DNAH1: variants seen among roughly 807,000 people sequenced by gnomAD.
DNAH1 encodes axonemal beta dynein heavy chain 1.
Under a neutral mutation model 484.3 loss-of-function variants are expected in DNAH1, and 327 were observed. The observed-to-expected ratio is 0.68, with a 90% CI of 0.62 to 0.74. DNAH1 has a LOEUF of 0.74. DNAH1 is among the 30% of genes least tolerant of loss of function. The pLI, the probability that DNAH1 is intolerant of heterozygous loss-of-function variation, is 0.00. For synonymous variants in DNAH1, 2,192 were observed against 2,191.9 expected, an observed-to-expected ratio of 1.00 and a Z score of 0.00; for missense variants, 5,052 against 5,546.8, an observed-to-expected ratio of 0.91 and a Z score of 2.83.
rs372783028 is a variant in DNAH1 at position 52,391,521 on chromosome 3, A to G, written c.9970A>G (p.Ile3324Val). The stretch of plus-strand genomic sequence containing the variant: ...CTACCATGAGGACTTCAGGATGTAC[A>G]TCACCACCAAGCTGCCCAACCCACA... ...IPYHEDFRMY[I>V]TTKLPNPHYT... The change falls in exon 63 of 78, where the codon ATC (isoleucine) becomes GTC (valine). Residue 3324 changes from isoleucine to valine, a missense_variant. Physicochemically the swap from Ile to Val is conservative, Grantham distance 29. Coordinates refer to ENST00000420323, the MANE Select transcript of DNAH1 (RefSeq NM_015512.5). The G allele has an allele frequency of 1.4e-5, 22 of 1,613,712 alleles. No individual in the cohort carries two copies. The highest frequency in any genetic ancestry group is 1.9e-5 in the Non-Finnish European group (22 of 1,179,804).
At position 52,391,530 on chromosome 3, in the gene DNAH1, AAGCTGC is replaced by A; in HGVS notation, c.9980_9985del (p.Lys3327_Pro3329delinsThr). On this transcript the variant is annotated inframe_deletion, in exon 63 of 78. Coordinates refer to ENST00000420323, the MANE Select transcript of DNAH1 (RefSeq NM_015512.5). Reference sequence around the variant, plus strand: ...GGACTTCAGGATGTACATCACCACCAAGCTGCCCAACCCACACTACACGCCCGAGAT... The same window carrying A: ...GGACTTCAGGATGTACATCACCACCACCAACCCACACTACACGCCCGAGAT... 6.2e-7 allele frequency: 1 copy of A among 1,612,712 alleles called. No individual in the cohort carries two copies.
At chr3:52,383,266 C>A in intron 50 of DNAH1, 120 bp from the exon 51 acceptor site, 3 of 898,034 alleles carry the variant, frequency 3.3e-6, no homozygotes, top group East Asian at 2.6e-5. Context: ...TGACTCTGGG[C>A]TTCTCTGAGC....
rs1471423376 is a variant in DNAH1 at position 52,393,470 on chromosome 3, G to A, written c.10611G>A (p.Glu3537=). The A allele has an allele frequency of 1.2e-6, 2 of 1,614,024 alleles. No individual in the cohort carries two copies. Among genetic ancestry groups the A allele is most frequent in the East Asian group, 2.2e-5 (1 of 44,892 alleles). ...FLLCVRIMMN[E]GKINQSEWRY... is the part of the protein sequence containing the mutation. ...TGTGTGTTCGCATCATGATGAACGA[G>A]GGCAAAATCAACCAGGTGCTGGCAG... is the stretch of plus-strand genomic sequence containing the variant. Residue 3537 remains glutamate (E), a synonymous_variant, in exon 66 of 78, where the codon GAG becomes GAA. Transcript: ENST00000420323.
At chr3:52,375,554 G>C (rs1424328209) in intron 45 of DNAH1, 141 bp downstream of exon 45, 11 of 904,506 alleles carry the variant, frequency 1.2e-5, no homozygotes, top group Non-Finnish European at 1.7e-5. Context: ...TCACTCAGCT[G>C]TGTGATCTTT....
chr3:52,335,379 T>C (rs1452779788), intron 8 of DNAH1, among the ~76,000 whole-genome samples: 3 of 146,178 alleles, frequency 2.1e-5, no homozygotes, highest in Admixed American at 2.1e-4. Flanking sequence ...TTTTTTTGCT[T>C]TTTAAACAAA....
At chr3:52,390,455 T>C (rs1257753797) in intron 60 of DNAH1, among the ~76,000 whole-genome samples, 1 of 152,084 alleles carries the variant, frequency 6.6e-6, no homozygotes, top group Non-Finnish European at 1.5e-5. Flanking sequence ...AAGAAAGCTT[T>C]CCTAAAGGAA....
chr3:52,311,872 C>A (rs1383016066), upstream of DNAH1, among the ~76,000 whole-genome samples: 3 of 152,224 alleles, frequency 2.0e-5, no homozygotes, highest in Admixed American at 6.5e-5. Flanking sequence ...CTGCTCTGGG[C>A]CCGCCAAAGC....
intron 8 of DNAH1, among the ~76,000 whole-genome samples, chr3:52,341,530 CTTTTTT>C (rs55645528): frequency 9.9e-6 from 1 of 101,174 alleles, no homozygotes; most frequent in African/African-American, 4.2e-5. Context: ...TTGACTTTGA[CTTTTTT>C]TTTTTTTTTT....
chr3:52,312,661 TTTG>T (rs568006432), upstream of DNAH1, among the ~76,000 whole-genome samples: 4 of 151,552 alleles, frequency 2.6e-5, no homozygotes, highest in Non-Finnish European at 5.9e-5. Flanking sequence ...TTTGTTTTGT[TTTG>T]TTTTTTGAGA....
At chr3:52,369,707 C>CA in intron 37 of DNAH1, 118 bp from the exon 38 acceptor site, 1 of 1,135,396 alleles carries the variant, frequency 8.8e-7, no homozygotes, top group Non-Finnish European at 1.2e-6. Context: ...CCCTGCCCCA[C>CA]AGCCTGCCCA....
At position 52,345,709 on chromosome 3, in the gene DNAH1, T is replaced by C. The variant is rs1414482397; in HGVS notation, c.1656+3T>C. 1.2e-6 allele frequency: 2 copies of C among 1,611,064 alleles called. No homozygotes were observed. The highest frequency in any genetic ancestry group is 2.7e-5 in the African/African-American group (2 of 74,862). ...TCCAGTCACAGACCTTCTCCCAGGT[T>C]TGTGGGCATCAAGGGCACAGGGGGC... On this transcript the variant is annotated splice_donor_region_variant and intron_variant, in intron 10 of 77. Transcript: ENST00000420323.
In DNAH1 at chr3:52,322,406, T is replaced by C. The variant is rs760281579; in HGVS notation, c.-34-3T>C. The C allele has an allele frequency of 7.6e-6, 12 of 1,581,342 alleles. No homozygotes were observed. In the South Asian group the frequency reaches 1.4e-4, roughly 18 times the overall value. The stretch of plus-strand genomic sequence containing the variant: ...GCTGACTGACGCTGGGTTCTTCTCC[T>C]AGGAGCTTCGGCTGGGGCATCTCCC... On this transcript the variant is annotated splice_polypyrimidine_tract_variant and splice_region_variant and intron_variant, in intron 1 of 77. Coordinates refer to ENST00000420323, the MANE Select transcript of DNAH1 (RefSeq NM_015512.5).
intron 70 of DNAH1, among the ~76,000 whole-genome samples, chr3:52,396,160 C>A (rs1412521507): frequency 6.6e-6 from 1 of 152,110 alleles, no homozygotes; most frequent in Non-Finnish European, 1.5e-5. Flanking sequence ...TTCTCAAACT[C>A]CTGACCTCGT....
chr3:52,348,985 G>A lies in DNAH1; in HGVS notation c.2204G>A (p.Ser735Asn), dbSNP rs187636110. Residue 735 changes from serine to asparagine, a missense_variant, in exon 13 of 78, where the codon AGT (serine) becomes AAT (asparagine). Coordinates refer to ENST00000420323, the MANE Select transcript of DNAH1 (RefSeq NM_015512.5). ...LVEELRATIA[S>N]AVSKAMIPLQ... ...GAAGAGCTACGGGCCACCATTGCCA[G>A]TGCCGTGTCCAAGGCCATGATCCCA... 6,737 of 1,613,464 alleles carry A rather than the reference G, an allele frequency of 4.2e-3. 29 individuals are homozygous for A. The highest frequency in any genetic ancestry group is 4.8e-3 in the Non-Finnish European group (5,697 of 1,179,904).
In DNAH1 at chr3:52,383,524, A is replaced by G. The variant is rs1386248326; in HGVS notation, c.8080A>G (p.Thr2694Ala). The G allele has an allele frequency of 1.9e-6, 3 of 1,613,258 alleles. 1 individual carries two copies. In the South Asian group the frequency reaches 3.3e-5, roughly 18 times the overall value. Residue 2694 changes from threonine (T) to alanine (A), a missense_variant, in exon 51 of 78, where the codon ACC becomes GCC. Around this residue, in one of 4 missense-constraint regions of DNAH1, gnomAD observed 2,929 missense variants for 3,409.4 expected, o/e 0.86. Transcript: ENST00000420323. Reference sequence around the variant, plus strand: ...TATCCAGGAGCAGGGCCTACAGCCCACCAAGGCCAACCTCATGGCTGCTTA... The same window carrying G: ...TATCCAGGAGCAGGGCCTACAGCCCGCCAAGGCCAACCTCATGGCTGCTTA... ...PYIQEQGLQP[T>A]KANLMAAYTG...
chr3:52,369,005 A>T, intron 37 of DNAH1, 87 bp downstream of exon 37: 1 of 1,462,328 alleles, frequency 6.8e-7, no homozygotes, highest in African/African-American at 1.4e-5. Flanking sequence ...CTGCCCCCTC[A>T]CCCCTTTCTC....
Position 52,392,619 on chromosome 3 carries a change from G to A in DNAH1, c.10208G>A (p.Gly3403Asp), listed in dbSNP as rs750043127. 3 of 1,613,326 alleles carry A rather than the reference G, an allele frequency of 1.9e-6. No homozygotes were observed. In the African/African-American group the frequency reaches 4.0e-5, roughly 22 times the overall value. The change falls in exon 64 of 78, where the codon GGC (glycine) becomes GAC (aspartate). Residue 3403 changes from glycine to aspartate, a missense_variant. By Grantham distance (94) the Gly-to-Asp change is moderately conservative. Transcript: ENST00000420323. ...CTGTACCGGCTCAGCTCCTCCGAGG[G>A]CAACCCTGTAGATGACATGGAACTC... is the stretch of plus-strand genomic sequence containing the variant. ...QILYRLSSSE[G>D]NPVDDMELIK...
At chr3:52,371,861 C>T in intron 41 of DNAH1, 85 bp from the exon 42 acceptor site, 2 of 1,556,854 alleles carry the variant, frequency 1.3e-6, no homozygotes, top group South Asian at 2.4e-5. Context: ...AGCTCCTGGC[C>T]CTTCTGCACT....
rs367932927 is a variant in DNAH1 at position 52,377,870 on chromosome 3, A to G, written c.7199-732A>G. Among the ~76,000 whole-genome samples, 8 of 151,058 alleles carry G rather than the reference A, an allele frequency of 5.3e-5. No individual in the cohort carries two copies. The Middle Eastern group carries it at 0.01, about 193-fold the overall frequency. On this transcript the variant is annotated intron_variant, in intron 46 of 77. Coordinates refer to ENST00000420323, the MANE Select transcript of DNAH1 (RefSeq NM_015512.5). ...GGGCTGCCCGTAGCCCTTGCCACCT[A>G]TTTGCTGTCTTTGTTACTTGCTAAT...
Sources: allele counts gnomAD v4.1 joint callset (sites outside exome capture counted in the v4.1 genomes callset), GRCh38; gene constraint gnomAD v4.1.1; regional missense constraint gnomAD v4.1.1; transcripts MANE v1.5; gene names NCBI Gene and HGNC (gene_info 2026-07-23, HGNC 2026-07-21).